Variants in SNTG1 observed in about 807,000 individuals in gnomAD.
The protein encoded by SNTG1 is syntrophin gamma 1.
Under a neutral mutation model 74.7 loss-of-function variants are expected in SNTG1, and 39 were observed. That is an observed-to-expected ratio of 0.52 (90% CI 0.40 to 0.68). SNTG1 has a LOEUF of 0.68. Ranked by LOEUF, SNTG1 falls within the 30% of genes least tolerant of loss-of-function variation. The pLI is 0.00. For missense variants in SNTG1, 685 were observed against 609.5 expected, an observed-to-expected ratio of 1.12 and a Z score of -1.30; for synonymous variants, 254 against 217.1, an observed-to-expected ratio of 1.17 and a Z score of -1.49.
intron 1 of SNTG1, among the ~76,000 whole-genome samples, chr8:50,146,453 G>T (rs1263046144): frequency 6.6e-6 from 1 of 152,136 alleles, no homozygotes; most frequent in Non-Finnish European, 1.5e-5. Context: ...GGGAGGGGGA[G>T]GTTGCAGTGA....
chr8:50,384,466 A>T (rs1211665553), intron 2 of SNTG1, among the ~76,000 whole-genome samples: 1 of 152,154 alleles, frequency 6.6e-6, no homozygotes, highest in Non-Finnish European at 1.5e-5. Context: ...TTCAATAAGC[A>T]CAACATGCTG....
At chr8:50,652,309 T>G (rs1272390211) in intron 13 of SNTG1, among the ~76,000 whole-genome samples, 1 of 152,172 alleles carries the variant, frequency 6.6e-6, no homozygotes, top group African/African-American at 2.4e-5. Context: ...CAATTTTTGT[T>G]GAGTCAAGTG....
At chr8:50,428,586 C>A (rs2093193558) in intron 4 of SNTG1, among the ~76,000 whole-genome samples, 1 of 152,170 alleles carries the variant, frequency 6.6e-6, no homozygotes, top group Non-Finnish European at 1.5e-5. Flanking sequence ...GAAGGACCTG[C>A]TACAAACTAC....
chr8:50,711,751 A>T (rs967592731), intron 17 of SNTG1, among the ~76,000 whole-genome samples: 4 of 151,506 alleles, frequency 2.6e-5, no homozygotes, highest in African/African-American at 9.8e-5. Context: ...CCCTATACTT[A>T]CATTTACATT....
At chr8:50,513,810 T>C (rs1175498905) in intron 9 of SNTG1, among the ~76,000 whole-genome samples, 1 of 152,248 alleles carries the variant, frequency 6.6e-6, no homozygotes, top group Non-Finnish European at 1.5e-5. Context: ...AGATGCTATC[T>C]GTCACCCCTT....
At chr8:50,424,944 AAATTAT>A (rs1490995672) in intron 4 of SNTG1, among the ~76,000 whole-genome samples, 3 of 152,176 alleles carry the variant, frequency 2.0e-5, no homozygotes, top group Non-Finnish European at 4.4e-5. Context: ...ACTCACTAGA[AAATTAT>A]AATTATATTT....
intron 15 of SNTG1, among the ~76,000 whole-genome samples, chr8:50,675,308 G>T (rs1366596425): frequency 6.6e-6 from 1 of 151,962 alleles, no homozygotes; most frequent in African/African-American, 2.4e-5. Flanking sequence ...TTTCTTTGTA[G>T]GTCTCTAAGA....
chr8:50,539,290 G>A (rs956538398), intron 11 of SNTG1, among the ~76,000 whole-genome samples: 9 of 152,070 alleles, frequency 5.9e-5, no homozygotes, highest in African/African-American at 2.2e-4. Context: ...TATTTAATCT[G>A]GGTTTTGTTG....
In SNTG1 at chr8:50,152,269, C is replaced by T. The variant is rs896684220; in HGVS notation, c.-102-20292C>T. Among the ~76,000 whole-genome samples the T allele has an allele frequency of 7.9e-5, 12 of 152,250 alleles. 1 individual carries two copies. The highest frequency in any genetic ancestry group is 2.2e-4 in the African/African-American group (9 of 41,542). On this transcript the variant is annotated intron_variant, in intron 1 of 18. Transcript: ENST00000642720. ...GTTTTCCATTTGCTTGGTAGATCTTCCTCCATCTCTTTATTTTGAGCCTAT... is the reference window on the plus strand; with the variant it reads ...GTTTTCCATTTGCTTGGTAGATCTTTCTCCATCTCTTTATTTTGAGCCTAT...
At chr8:50,144,064 G>A (rs755178345) in intron 1 of SNTG1, among the ~76,000 whole-genome samples, 2 of 152,146 alleles carry the variant, frequency 1.3e-5, no homozygotes, top group African/African-American at 2.4e-5. Flanking sequence ...CTGACACACA[G>A]ATGCAGTCAC....
At chr8:49,928,198 A>G (rs1047310465) in intron 1 of SNTG1, among the ~76,000 whole-genome samples, 3 of 140,700 alleles carry the variant, frequency 2.1e-5, no homozygotes, top group African/African-American at 7.9e-5. Context: ...AAAAAGATGG[A>G]CTTTGGGTGA....
intron 13 of SNTG1, among the ~76,000 whole-genome samples, chr8:50,621,310 G>T (rs2094921928): frequency 6.6e-6 from 1 of 152,126 alleles, no homozygotes. Flanking sequence ...ACATGGCTGG[G>T]CTGTCACTAC....
At chr8:50,306,739 T>A (rs1180835740) in intron 2 of SNTG1, among the ~76,000 whole-genome samples, 1 of 150,344 alleles carries the variant, frequency 6.7e-6, no homozygotes, top group Non-Finnish European at 1.5e-5. Flanking sequence ...TTTTGATGGA[T>A]TTTTTTTTCT....
intron 2 of SNTG1, among the ~76,000 whole-genome samples, chr8:50,366,733 GT>G (rs1209006432): frequency 6.9e-6 from 1 of 144,458 alleles, no homozygotes; most frequent in African/African-American, 2.5e-5. Context: ...GCATATATAT[GT>G]GAATACATAT....
intron 9 of SNTG1, among the ~76,000 whole-genome samples, chr8:50,521,312 A>G (rs919890000): frequency 5.3e-5 from 8 of 152,142 alleles, no homozygotes; most frequent in South Asian, 2.1e-4. Context: ...AGAAATGCCT[A>G]ATGTAGGTGA....
intron 2 of SNTG1, among the ~76,000 whole-genome samples, chr8:50,305,237 T>G (rs1330811478): frequency 1.3e-5 from 2 of 152,166 alleles, no homozygotes; most frequent in Non-Finnish European, 2.9e-5. Context: ...CTTAAGTATA[T>G]TACTGCATTT....
intron 2 of SNTG1, among the ~76,000 whole-genome samples, chr8:50,185,674 CT>C (rs555253797): frequency 2.0e-5 from 3 of 151,916 alleles, no homozygotes; most frequent in Non-Finnish European, 4.4e-5. Context: ...GAAATCACAC[CT>C]TTTTTTACTT....
intron 8 of SNTG1, among the ~76,000 whole-genome samples, chr8:50,459,350 T>C (rs12545273): frequency 0.075 from 11,416 of 152,254 alleles, 668 homozygotes; most frequent in Non-Finnish European, 0.12. Flanking sequence ...AAACTATTTG[T>C]ATTAGAATGG....
At chr8:49,990,223 C>A (rs1036549883) in intron 1 of SNTG1, among the ~76,000 whole-genome samples, 1 of 151,828 alleles carries the variant, frequency 6.6e-6, no homozygotes, top group African/African-American at 2.4e-5. Context: ...TAAATGAATT[C>A]AGTAAATTAT....
Sources: gnomAD v4.1 joint callset for allele counts (sites outside exome capture counted in the v4.1 genomes callset) on GRCh38, gnomAD v4.1.1 for gene constraint, MANE v1.5 for transcripts, NCBI Gene and HGNC (gene_info 2026-07-23, HGNC 2026-07-21) for gene names.